ESR1: variants seen among roughly 807,000 people sequenced by gnomAD.
ESR1 encodes the protein estrogen receptor 1.
Under a neutral mutation model 52.7 loss-of-function variants are expected in ESR1, and 12 were observed. The ratio of observed to expected loss-of-function variants is 0.23; its 90% confidence interval spans 0.15 to 0.37. The LOEUF is 0.37. ESR1 is among the 10% of genes least tolerant of loss of function. The pLI, the probability that ESR1 is intolerant of heterozygous loss-of-function variation, is 1.00. For synonymous variants in ESR1, 305 were observed against 316.8 expected (o/e 0.96, Z 0.39); for missense variants, 584 against 779.7 (o/e 0.75, Z 2.99).
chr6:151,772,254 G>A (rs530665165), intron 2 of ESR1, among the ~76,000 whole-genome samples: 1 of 152,136 alleles, frequency 6.6e-6, no homozygotes, highest in East Asian at 1.9e-4. Context: ...GTTGTCCTGG[G>A]CACTGTGACA....
intron 6 of ESR1, among the ~76,000 whole-genome samples, chr6:152,125,005 A>G (rs1031056248): frequency 3.3e-5 from 5 of 152,216 alleles, no homozygotes; most frequent in African/African-American, 1.2e-4. Flanking sequence ...GATGTGAAAG[A>G]AAGCTCAGGG....
chr6:152,001,420 A>C (rs1343886925), intron 4 of ESR1, among the ~76,000 whole-genome samples: 1 of 152,002 alleles, frequency 6.6e-6, no homozygotes, highest in Non-Finnish European at 1.5e-5. Flanking sequence ...TGGAGAACTA[A>C]TTTATTCTCA....
intron 6 of ESR1, among the ~76,000 whole-genome samples, chr6:152,090,826 A>G (rs2050120741): frequency 6.6e-6 from 1 of 151,584 alleles, no homozygotes; most frequent in African/African-American, 2.4e-5. Context: ...TCGTGGCTTC[A>G]CTCCCCTTTC....
At chr6:151,947,686 G>T (rs75077090) in intron 4 of ESR1, among the ~76,000 whole-genome samples, 1 of 152,152 alleles carries the variant, frequency 6.6e-6, no homozygotes, top group Non-Finnish European at 1.5e-5. Flanking sequence ...GAATTAAGAT[G>T]TGAAGAGCTT....
At chr6:152,006,703 T>C (rs1244116175) in intron 4 of ESR1, among the ~76,000 whole-genome samples, 1 of 151,964 alleles carries the variant, frequency 6.6e-6, no homozygotes, top group Non-Finnish European at 1.5e-5. Context: ...ATTATTCAAC[T>C]CTTCTTCTAT....
In ESR1 at chr6:151,794,154, C is replaced by A. The variant is rs547003843; in HGVS notation, c.-70-13689C>A. Among the ~76,000 whole-genome samples, 24 of 152,286 alleles carry A rather than the reference C, an allele frequency of 1.6e-4. No individual in the cohort carries two copies. The East Asian group carries it at 4.4e-3, about 28-fold the overall frequency. ...GGATTTTCTCCTAATATGAAAACAA[C>A]TCTTTGGCTTCTTTTGCAAATGTGA... is the stretch of plus-strand genomic sequence containing the variant. On this transcript the variant is annotated intron_variant, in intron 2 of 2. Coordinates refer to the ESR1 transcript ENST00000404742.
In ESR1 at chr6:152,078,917, G is replaced by A. The variant is rs187382544; in HGVS notation, c.1370-15468G>A. Among the ~76,000 whole-genome samples the A allele has an allele frequency of 3.9e-5, 6 of 152,318 alleles. No individual in the cohort carries two copies. In the East Asian group the frequency reaches 1.2e-3, roughly 29 times the overall value. ...AACCTGCAATGCTGCTGCTTGATGC[G>A]GGGAGGGGCGTCTGCCATTGATGAA... On this transcript the variant is annotated intron_variant, in intron 6 of 7. Transcript: ENST00000206249.
In ESR1 at chr6:152,060,125, A is replaced by G. The variant is rs150883507; in HGVS notation, c.1236-866A>G. Reference sequence around the variant, plus strand: ...TGTAGTATCTCATTTAAATTCTTCAACAACCCAATAAAAAAGATACAGACA... The same window carrying G: ...TGTAGTATCTCATTTAAATTCTTCAGCAACCCAATAAAAAAGATACAGACA... On this transcript the variant is annotated intron_variant, in intron 5 of 7. Coordinates refer to ENST00000206249, the MANE Select transcript of ESR1 (RefSeq NM_000125.4). 4.9e-3 allele frequency among the ~76,000 whole-genome samples: 749 copies of G among 152,330 alleles called. 5 individuals are homozygous for G. Among genetic ancestry groups the G allele is most frequent in the African/African-American group, 0.017 (717 of 41,568 alleles).
At chr6:151,827,331 C>T (rs1299611236) in intron 1 of ESR1, among the ~76,000 whole-genome samples, 7 of 129,444 alleles carry the variant, frequency 5.4e-5, no homozygotes, top group African/African-American at 9.3e-5. Context: ...GGTGACAGAG[C>T]GAGACCCTGT....
intron 1 of ESR1, among the ~76,000 whole-genome samples, chr6:151,831,129 A>G (rs1782332518): frequency 1.3e-5 from 2 of 149,326 alleles, no homozygotes; most frequent in South Asian, 4.2e-4. Flanking sequence ...ATAATTGTAG[A>G]CAATTTCTTT....
At chr6:151,697,845 TC>T (rs1329077220) in intron 1 of ESR1, among the ~76,000 whole-genome samples, 1 of 152,156 alleles carries the variant, frequency 6.6e-6, no homozygotes, top group Non-Finnish European at 1.5e-5. Context: ...ACACCTGTAA[TC>T]CCAGCACTTT....
intron 1 of ESR1, among the ~76,000 whole-genome samples, chr6:151,671,551 G>T (rs1778059434): frequency 6.6e-6 from 1 of 152,160 alleles, no homozygotes; most frequent in Non-Finnish European, 1.5e-5. Context: ...AGAAAGGGGA[G>T]ATATTGGTCA....
intron 1 of ESR1, among the ~76,000 whole-genome samples, chr6:151,659,644 C>A (rs1183686075): frequency 2.0e-5 from 3 of 152,098 alleles, no homozygotes; most frequent in Non-Finnish European, 4.4e-5. Flanking sequence ...GGAATTAGAC[C>A]CTTAATAGGA....
chr6:151,981,738 T>C (rs1054857966), intron 4 of ESR1, among the ~76,000 whole-genome samples: 1 of 152,244 alleles, frequency 6.6e-6, no homozygotes, highest in African/African-American at 2.4e-5. Context: ...CTGAACTATA[T>C]TGAACTTTAG....
At chr6:151,854,876 C>A (rs550393071) in intron 2 of ESR1, among the ~76,000 whole-genome samples, 6 of 152,242 alleles carry the variant, frequency 3.9e-5, no homozygotes, top group African/African-American at 1.2e-4. Context: ...GCTTTTGACA[C>A]CTCAGAGTTA....
intron 6 of ESR1, among the ~76,000 whole-genome samples, chr6:152,074,526 T>G (rs1268688087): frequency 6.6e-6 from 1 of 152,250 alleles, no homozygotes; most frequent in East Asian, 1.9e-4. Context: ...ATCCAAGTTT[T>G]GGCAATTATG....
intron 5 of ESR1, among the ~76,000 whole-genome samples, chr6:152,047,833 C>G (rs944817567): frequency 2.0e-5 from 3 of 152,080 alleles, no homozygotes; most frequent in African/African-American, 7.2e-5. Context: ...GAATTAAGAC[C>G]TCTTCCTGTG....
chr6:151,698,014 C>T (rs1019817767), intron 1 of ESR1, among the ~76,000 whole-genome samples: 3 of 152,052 alleles, frequency 2.0e-5, no homozygotes, highest in Non-Finnish European at 2.9e-5. Context: ...AAGAGAATCG[C>T]TTGAACCGGG....
chr6:151,703,801 G>C (rs1187765559), intron 2 of ESR1, among the ~76,000 whole-genome samples: 1 of 152,186 alleles, frequency 6.6e-6, no homozygotes, highest in Non-Finnish European at 1.5e-5. Context: ...GTCAGTCCCT[G>C]AGTAGTCTTG....
Sources: gnomAD v4.1 joint callset for allele counts (sites outside exome capture counted in the v4.1 genomes callset) on GRCh38, gnomAD v4.1.1 for gene constraint, MANE v1.5 for transcripts, NCBI Gene and HGNC (gene_info 2026-07-23, HGNC 2026-07-21) for gene names.